RBM6: variants seen among roughly 807,000 people sequenced by gnomAD.
RBM6 encodes RNA binding motif protein 6, also known as RNA-binding protein 6.
In RBM6, 23 loss-of-function variants were observed where a neutral mutation model predicts 140.4. The observed-to-expected ratio is 0.16, with a 90% CI of 0.12 to 0.23. The LOEUF is 0.23. RBM6 is among the 10% of genes least tolerant of loss of function. The pLI, the probability that RBM6 is intolerant of heterozygous loss-of-function variation, is 1.00. For missense variants in RBM6, 1,139 were observed against 1,386.7 expected (o/e 0.82, Z 2.84); for synonymous variants, 439 against 475.6 (o/e 0.92, Z 1.00).
At chr3:49,996,198 C>T (rs1480677691) in intron 5 of RBM6, among the ~76,000 whole-genome samples, 1 of 152,130 alleles carries the variant, frequency 6.6e-6, no homozygotes, top group African/African-American at 2.4e-5. Context: ...ATTTTCATAC[C>T]TTATGGCCCT....
intron 6 of RBM6, among the ~76,000 whole-genome samples, chr3:50,006,746 C>G (rs2086597299): frequency 6.6e-6 from 1 of 151,908 alleles, no homozygotes; most frequent in East Asian, 2.0e-4. Flanking sequence ...TCCTGGCTAA[C>G]ATGGTGAAAC....
chr3:50,013,690 C>T (rs1364441862), intron 6 of RBM6, among the ~76,000 whole-genome samples: 13 of 152,026 alleles, frequency 8.6e-5, no homozygotes, highest in Non-Finnish European at 1.5e-4. Flanking sequence ...CATGAGACAG[C>T]GGGCATTTGG....
intron 6 of RBM6, among the ~76,000 whole-genome samples, chr3:50,015,439 T>A (rs1264256630): frequency 1.8e-3 from 270 of 146,850 alleles, no homozygotes; most frequent in Non-Finnish European, 2.5e-3. Flanking sequence ...TTATTTTTTT[T>A]TTTTTTTTTG....
At chr3:50,039,429 G>A (rs1440285580) in intron 6 of RBM6, among the ~76,000 whole-genome samples, 1 of 151,282 alleles carries the variant, frequency 6.6e-6, no homozygotes, top group African/African-American at 2.4e-5. Context: ...AGTAGAGACA[G>A]GGTTTCACCA....
intron 6 of RBM6, among the ~76,000 whole-genome samples, chr3:50,020,981 T>C (rs2087447553): frequency 6.6e-6 from 1 of 152,234 alleles, no homozygotes. Context: ...TTTAGAAGTA[T>C]GTTTTTAAAT....
intron 1 of RBM6, among the ~76,000 whole-genome samples, chr3:49,958,595 A>G (rs1352566923): frequency 6.7e-6 from 1 of 149,682 alleles, no homozygotes; most frequent in Admixed American, 6.7e-5. Context: ...ACAAAAAACC[A>G]CAAAAATTAG....
chr3:49,945,444 C>G (rs1161530261), intron 1 of RBM6, among the ~76,000 whole-genome samples: 3 of 152,002 alleles, frequency 2.0e-5, no homozygotes, highest in African/African-American at 7.3e-5. Flanking sequence ...ACTGGTTGCA[C>G]CATTTTACAT....
At chr3:50,057,136 G>A (rs530632863) in intron 8 of RBM6, among the ~76,000 whole-genome samples, 1 of 152,312 alleles carries the variant, frequency 6.6e-6, no homozygotes, top group African/African-American at 2.4e-5. Context: ...ATATTTAAAT[G>A]TTTAGTAGGT....
intron 5 of RBM6, among the ~76,000 whole-genome samples, chr3:49,995,065 A>G (rs2086019711): frequency 6.6e-6 from 1 of 152,156 alleles, no homozygotes; most frequent in African/African-American, 2.4e-5. Flanking sequence ...GAGATTGAAG[A>G]GTTAGTTCTG....
chr3:49,940,297 A>G (rs1234644151), intron 1 of RBM6, 72 bp downstream of exon 1: 2 of 152,300 alleles, frequency 1.3e-5, no homozygotes, highest in Non-Finnish European at 2.9e-5. Flanking sequence ...GGCCCGCTCT[A>G]GACATCGCAG....
chr3:50,068,918 A>G (rs1471628382), intron 18 of RBM6, among the ~76,000 whole-genome samples, 154 bp downstream of exon 18: 2 of 152,234 alleles, frequency 1.3e-5, no homozygotes, highest in African/African-American at 2.4e-5. Flanking sequence ...ATATAATACA[A>G]TCAAAATAGG....
chr3:49,950,482 G>C (rs750417344), intron 1 of RBM6, among the ~76,000 whole-genome samples: 1 of 152,106 alleles, frequency 6.6e-6, no homozygotes, highest in Non-Finnish European at 1.5e-5. Flanking sequence ...AAGGCCAGGC[G>C]TGGTGACTCA....
chr3:50,062,063 G>C lies in RBM6; in HGVS notation c.2541G>C (p.Met847Ile). Residue 847 changes from methionine (M) to isoleucine (I), a missense_variant, in exon 15 of 21, where the codon ATG becomes ATC. Coordinates refer to ENST00000266022, the MANE Select transcript of RBM6 (RefSeq NM_005777.3). ...SQGKSSSKKE[M>I]SKRDGKEKKD... The stretch of plus-strand genomic sequence containing the variant: ...GAAAGTCAAGTAGCAAGAAGGAAAT[G>C]TCTAAAAGAGATGGCAAGGAGAAAA... 6.2e-7 allele frequency: 1 copy of C among 1,614,004 alleles called. No homozygotes were observed. The highest frequency in any genetic ancestry group is 8.5e-7 in the Non-Finnish European group (1 of 1,179,962).
chr3:50,044,843 A>G (rs180787369), intron 6 of RBM6, among the ~76,000 whole-genome samples: 1 of 152,304 alleles, frequency 6.6e-6, no homozygotes, highest in East Asian at 1.9e-4. Flanking sequence ...TCCTATGACT[A>G]CCTATTCTTA....
At chr3:49,969,000 T>G (rs1420661998) in intron 3 of RBM6, among the ~76,000 whole-genome samples, 4 of 150,770 alleles carry the variant, frequency 2.7e-5, no homozygotes, top group Non-Finnish European at 5.9e-5. Flanking sequence ...ATAAGACTTT[T>G]GTGAAGGATG....
chr3:50,033,706 G>C (rs947829434), intron 6 of RBM6, among the ~76,000 whole-genome samples: 1 of 151,960 alleles, frequency 6.6e-6, no homozygotes, highest in Non-Finnish European at 1.5e-5. Context: ...GTGCAGTGGC[G>C]TAATCTCAGC....
intron 11 of RBM6, among the ~76,000 whole-genome samples, chr3:50,060,328 G>T (rs2089884911): frequency 6.6e-6 from 1 of 151,994 alleles, no homozygotes; most frequent in Non-Finnish European, 1.5e-5. Context: ...CACTCATCTT[G>T]ACCCAGGAGT....
At chr3:49,998,423 G>T (rs1326138269) in intron 5 of RBM6, among the ~76,000 whole-genome samples, 1 of 152,174 alleles carries the variant, frequency 6.6e-6, no homozygotes, top group Non-Finnish European at 1.5e-5. Flanking sequence ...GATTCCTAGA[G>T]ATGAGCTTCT....
rs755622237 is a variant in RBM6 at position 49,967,286 on chromosome 3, C to T, written c.45-184C>T. 2.5e-5 allele frequency: 35 copies of T among 1,382,140 alleles called. No homozygotes were observed. Among genetic ancestry groups the T allele is most frequent in the Non-Finnish European group, 3.2e-5 (34 of 1,070,254 alleles). The allele number at this position is 1,382,140 out of a possible 1,614,324, so 85.6% of individuals were successfully genotyped here. A position where few individuals can be genotyped will look rare whatever the true frequency, so the allele number is the denominator to read the frequency against. ...TCTGAAATGGGAGCATAAAAGTTTA[C>T]TCCGCCACTTCGTCTTAAAATAGCA... On this transcript the variant is annotated intron_variant, in intron 2 of 20. Coordinates refer to ENST00000266022, the MANE Select transcript of RBM6 (RefSeq NM_005777.3). This position sits in a 1 kb window ranked among gnomAD's most constrained non-coding sequence, Gnocchi z 4.0.
Sources: gnomAD v4.1 joint callset for allele counts (sites outside exome capture counted in the v4.1 genomes callset) on GRCh38, gnomAD v4.1.1 for gene constraint, Gnocchi (gnomAD v3.1) non-coding constraint, MANE v1.5 for transcripts, NCBI Gene and HGNC (gene_info 2026-07-23, HGNC 2026-07-21) for gene names.